Variants in ASPH observed in about 807,000 individuals in gnomAD.
ASPH encodes aspartate beta-hydroxylase.
In ASPH, 100 loss-of-function variants were observed where a neutral mutation model predicts 118.4. The observed-to-expected ratio is 0.84, with a 90% CI of 0.72 to 1.00. The LOEUF is 1.00. Ranked by LOEUF, ASPH falls within the 50% of genes least tolerant of loss-of-function variation. The probability of loss-of-function intolerance (pLI) is 0.00; values close to 1 mark genes in which losing one functional copy is unlikely to be tolerated. For synonymous variants in ASPH, 315 were observed against 325.6 expected, an observed-to-expected ratio of 0.97 and a Z score of 0.35; for missense variants, 920 against 919.5, an observed-to-expected ratio of 1.00 and a Z score of -0.01.
At chr8:61,624,088 C>A (rs1468273372) in intron 13 of ASPH, 7 of 459,526 alleles carry the variant, frequency 1.5e-5, no homozygotes, top group African/African-American at 6.4e-5. Context: ...TAGTTATATA[C>A]AATGAATAAG....
At chr8:61,546,841 T>C (rs1427570453) in intron 21 of ASPH, among the ~76,000 whole-genome samples, 1 of 152,198 alleles carries the variant, frequency 6.6e-6, no homozygotes, top group Admixed American at 6.5e-5. Flanking sequence ...AATTTCAACA[T>C]ATACCTAAAG....
At chr8:61,620,453 C>G (rs1305525464) in intron 13 of ASPH, among the ~76,000 whole-genome samples, 1 of 151,944 alleles carries the variant, frequency 6.6e-6, no homozygotes, top group Non-Finnish European at 1.5e-5. Context: ...GCACATACCT[C>G]CTGCGCAGTG....
chr8:61,692,058 A>G (rs1040983630), intron 1 of ASPH, among the ~76,000 whole-genome samples: 2 of 152,212 alleles, frequency 1.3e-5, no homozygotes, highest in African/African-American at 4.8e-5. Context: ...ACACAGCTCC[A>G]ATTATTTCTC....
In ASPH at chr8:61,632,517, A is replaced by G. The variant is rs554201987; in HGVS notation, c.934+1166T>C. The G allele has an allele frequency of 5.9e-5, 11 of 187,106 alleles. No individual in the cohort carries two copies. The East Asian group carries it at 1.8e-3, about 30-fold the overall frequency. 11.6% of individuals were successfully genotyped at this position (187,106 alleles called of 1,614,324 possible). A position where few individuals can be genotyped will look rare whatever the true frequency, so the allele number is the denominator to read the frequency against. On this transcript the variant is annotated intron_variant, in intron 13 of 24. Transcript: ENST00000379454. The stretch of plus-strand genomic sequence containing the variant: ...AAAAGGAAACCAGCAGAAGGACATA[A>G]ATATCAGCTGCCCTTGCCCTGTCCA...
chr8:61,554,819 C>G (rs1367073464), intron 19 of ASPH, among the ~76,000 whole-genome samples: 1 of 152,200 alleles, frequency 6.6e-6, no homozygotes, highest in Non-Finnish European at 1.5e-5. Context: ...CTCAATGCAG[C>G]CTCGACCTCC....
intron 24 of ASPH, among the ~76,000 whole-genome samples, chr8:61,505,494 A>G (rs1166947638): frequency 0.056 from 282 of 5,070 alleles, no homozygotes; most frequent in African/African-American, 0.18. Context: ...ACTCCATCTC[A>G]AAAAAAAAAA....
intron 15 of ASPH, among the ~76,000 whole-genome samples, chr8:61,581,744 T>C (rs1332582734): frequency 6.6e-6 from 1 of 152,180 alleles, no homozygotes; most frequent in Non-Finnish European, 1.5e-5. Flanking sequence ...TTTTCTTTAC[T>C]CCCTCCCCAC....
intron 10 of ASPH, 98 bp downstream of exon 10, chr8:61,642,790 G>T: frequency 1.8e-6 from 2 of 1,103,232 alleles, no homozygotes; most frequent in African/African-American, 1.7e-5. Context: ...GGTTGTAGTG[G>T]GCCAAGATTG....
chr8:61,640,643 G>C (rs1008422343), intron 10 of ASPH, among the ~76,000 whole-genome samples: 1 of 152,190 alleles, frequency 6.6e-6, no homozygotes, highest in Non-Finnish European at 1.5e-5. Flanking sequence ...CAGTGAAATT[G>C]CTTGTTTAAT....
intron 13 of ASPH, 33 bp from the exon 14 acceptor site, chr8:61,619,052 A>ATGTTT: frequency 6.7e-7 from 1 of 1,488,798 alleles, no homozygotes; most frequent in Non-Finnish European, 9.3e-7. Context: ...AGTAAGTACT[A>ATGTTT]TGCAAGTCAC....
At chr8:61,519,274 A>T (rs1264492711) in intron 22 of ASPH, among the ~76,000 whole-genome samples, 1 of 152,208 alleles carries the variant, frequency 6.6e-6, no homozygotes, top group African/African-American at 2.4e-5. Flanking sequence ...TAGTACCTAT[A>T]TATATTTCAT....
intron 3 of ASPH, chr8:61,665,598 G>A: frequency 6.4e-7 from 1 of 1,562,100 alleles, no homozygotes; most frequent in African/African-American, 1.4e-5. Context: ...TCTTTAGTGA[G>A]TTCTTTAACT....
At chr8:61,565,406 G>GT (rs988728714) in intron 17 of ASPH, among the ~76,000 whole-genome samples, 7 of 152,234 alleles carry the variant, frequency 4.6e-5, no homozygotes, top group African/African-American at 1.7e-4. Flanking sequence ...CACAGGAAGA[G>GT]TTTTTTATTC....
chr8:61,713,114 C>A (rs1249869963), intron 1 of ASPH, among the ~76,000 whole-genome samples: 1 of 152,228 alleles, frequency 6.6e-6, no homozygotes, highest in African/African-American at 2.4e-5. Flanking sequence ...CATTGAACTT[C>A]AAACTGTGTC....
intron 21 of ASPH, among the ~76,000 whole-genome samples, chr8:61,544,250 T>C (rs141841488): frequency 2.0e-5 from 3 of 152,346 alleles, no homozygotes; most frequent in East Asian, 1.9e-4. Flanking sequence ...TCAATAAATA[T>C]TCCTCTAATT....
intron 3 of ASPH, among the ~76,000 whole-genome samples, chr8:61,673,804 CTTTAT>C (rs1357070872): frequency 6.6e-5 from 10 of 151,750 alleles, no homozygotes; most frequent in Middle Eastern, 3.2e-3. Flanking sequence ...AATAAAATAC[CTTTAT>C]TTTATCTCTC....
intron 1 of ASPH, among the ~76,000 whole-genome samples, chr8:61,695,748 G>C (rs940755063): frequency 1.3e-5 from 2 of 152,144 alleles, no homozygotes; most frequent in Non-Finnish European, 2.9e-5. Context: ...CACTTCCCTT[G>C]GATCTATCTA....
At chr8:61,676,347 G>C (rs1308765206) in intron 3 of ASPH, 3 of 1,546,998 alleles carry the variant, frequency 1.9e-6, no homozygotes, top group South Asian at 1.2e-5. Context: ...AAGAGAGAGA[G>C]AAAATAAGGA....
At chr8:61,568,119 C>A (rs865961659) in intron 16 of ASPH, among the ~76,000 whole-genome samples, 2 of 152,078 alleles carry the variant, frequency 1.3e-5, no homozygotes, top group African/African-American at 2.4e-5. Context: ...AATTCTAGTA[C>A]ACAAAGTGAG....
Sources: allele counts gnomAD v4.1 joint callset (sites outside exome capture counted in the v4.1 genomes callset), GRCh38; gene constraint gnomAD v4.1.1; transcripts MANE v1.5; gene names NCBI Gene and HGNC (gene_info 2026-07-23, HGNC 2026-07-21).